Variants in FILIP1 observed in about 807,000 individuals in gnomAD.
FILIP1 encodes the protein filamin A interacting protein 1, also known as filamin-A-interacting protein 1.
In FILIP1, 61 loss-of-function variants were observed where a neutral mutation model predicts 102.1. The observed-to-expected ratio is 0.60, with a 90% CI of 0.49 to 0.74. FILIP1 has a LOEUF of 0.74. Ranked by LOEUF, FILIP1 falls within the 30% of genes least tolerant of loss-of-function variation. The probability of loss-of-function intolerance (pLI) is 0.00; values close to 1 mark genes in which losing one functional copy is unlikely to be tolerated. For synonymous variants in FILIP1, 491 were observed against 526.9 expected (o/e 0.93, Z 0.93); for missense variants, 1,314 against 1,441.2 (o/e 0.91, Z 1.43).
chr6:75,362,920 G>A lies in FILIP1; in HGVS notation c.277-3C>T, dbSNP rs377118129. ...ATGTGGATCACATCTTCTCTGGCCT[G>A]TAATAGAAAGTGCAGCAAGATCAGA... On this transcript the variant is annotated splice_region_variant and splice_polypyrimidine_tract_variant and intron_variant, in intron 2 of 5. Coordinates refer to ENST00000237172, the MANE Select transcript of FILIP1 (RefSeq NM_015687.5). The A allele has an allele frequency of 5.6e-6, 9 of 1,612,472 alleles. No homozygotes were observed. Among genetic ancestry groups the A allele is most frequent in the African/African-American group, 1.3e-5 (1 of 74,852 alleles).
intron 4 of FILIP1, among the ~76,000 whole-genome samples, chr6:75,350,865 T>C (rs558624410): frequency 2.4e-4 from 37 of 152,342 alleles, no homozygotes; most frequent in Non-Finnish European, 5.3e-4. Flanking sequence ...CAGGTGCTCT[T>C]AGAATTATTT....
intron 2 of FILIP1, among the ~76,000 whole-genome samples, chr6:75,378,006 G>C (rs576249216): frequency 6.6e-6 from 1 of 152,330 alleles, no homozygotes; most frequent in South Asian, 2.1e-4. Flanking sequence ...AGTGAATACT[G>C]AATCATTGCT....
At chr6:75,434,295 A>C (rs1464587101) in intron 1 of FILIP1, among the ~76,000 whole-genome samples, 1 of 152,186 alleles carries the variant, frequency 6.6e-6, no homozygotes, top group Non-Finnish European at 1.5e-5. Context: ...GGCCATTTTC[A>C]AAATATTGAT....
chr6:75,301,461 G>T lies in FILIP1; in HGVS notation c.3494-5511C>A, dbSNP rs544858273. On this transcript the variant is annotated intron_variant, in intron 6 of 6. Coordinates refer to the FILIP1 transcript ENST00000393004. ...ACGCCTCAGGGATTTTTTTTAAAGG[G>T]TTTGTTGCTGTTTGTCTTCTTTAGT... 9.2e-5 allele frequency among the ~76,000 whole-genome samples: 14 copies of T among 152,120 alleles called. No individual in the cohort carries two copies. In the South Asian group the frequency reaches 2.7e-3, roughly 29 times the overall value.
In FILIP1 at chr6:75,322,992, C is replaced by T. The variant is rs546100875; in HGVS notation, c.630-7790G>A. 5.9e-5 allele frequency among the ~76,000 whole-genome samples: 9 copies of T among 152,304 alleles called. No homozygotes were observed. The East Asian group carries it at 1.7e-3, about 29-fold the overall frequency. ...TACAAGCATGAGCCACTATGGCCAGCCAAAATTATACTTTTTAACTTGCAA... is the reference window on the plus strand; with the variant it reads ...TACAAGCATGAGCCACTATGGCCAGTCAAAATTATACTTTTTAACTTGCAA... On this transcript the variant is annotated intron_variant, in intron 4 of 5. Coordinates refer to ENST00000237172, the MANE Select transcript of FILIP1 (RefSeq NM_015687.5).
chr6:75,448,512 T>C (rs1778513453), intron 1 of FILIP1, among the ~76,000 whole-genome samples: 1 of 152,074 alleles, frequency 6.6e-6, no homozygotes, highest in African/African-American at 2.4e-5. Flanking sequence ...GGGACTTAAT[T>C]GAACTAAAAA....
rs117195884 is a variant in FILIP1 at position 75,449,988 on chromosome 6, C to T, written c.-6-35010G>A. Among the ~76,000 whole-genome samples the T allele has an allele frequency of 8.8e-3, 1,338 of 152,168 alleles. 48 individuals are homozygous for T. The East Asian group carries it at 0.12, about 14-fold the overall frequency. On this transcript the variant is annotated intron_variant, in intron 1 of 5. Transcript: ENST00000237172. ...TCACTCTGTCACCCAGACTGGAGTGCGGTGGTGCAATCATGGCTTACTGTA... is the reference window on the plus strand; with the variant it reads ...TCACTCTGTCACCCAGACTGGAGTGTGGTGGTGCAATCATGGCTTACTGTA...
downstream of FILIP1, among the ~76,000 whole-genome samples, chr6:75,306,489 G>T (rs12195673): frequency 0.11 from 16,221 of 152,200 alleles, 1,277 homozygotes; most frequent in Non-Finnish European, 0.14. Context: ...ATACGTTATG[G>T]TACAGTAACA....
In FILIP1 at chr6:75,314,847, T is replaced by C. The variant is rs774985091; in HGVS notation, c.985A>G (p.Arg329Gly). 1.9e-6 allele frequency: 3 copies of C among 1,614,106 alleles called. No individual in the cohort carries two copies. The Middle Eastern group carries it at 4.9e-4, about 266-fold the overall frequency. The change falls in exon 5 of 6, where the codon AGG becomes GGG. Residue 329 changes from arginine (R) to glycine (G), a missense_variant. Transcript: ENST00000237172. Reference protein sequence around the residue: ...AKLANQESHNRQLRLKLVGLT... With the variant: ...AKLANQESHNGQLRLKLVGLT... The stretch of plus-strand genomic sequence containing the variant: ...CCAACCAGCTTGAGTCTAAGTTGCC[T>C]ATTGTGAGACTCTTGATTAGCCAGT...
chr6:75,454,671 T>A (rs964651761), intron 1 of FILIP1, among the ~76,000 whole-genome samples: 1 of 152,218 alleles, frequency 6.6e-6, no homozygotes, highest in African/African-American at 2.4e-5. Context: ...TTTCTTATGA[T>A]GAGAAATATT....
intron 1 of FILIP1, among the ~76,000 whole-genome samples, chr6:75,479,696 C>T (rs969948089): frequency 6.6e-6 from 1 of 151,238 alleles, no homozygotes; most frequent in Non-Finnish European, 1.5e-5. Context: ...TGGTGAAACC[C>T]AATCTCTACT....
At chr6:75,468,083 C>T (rs1219250663) in intron 1 of FILIP1, among the ~76,000 whole-genome samples, 1 of 152,192 alleles carries the variant, frequency 6.6e-6, no homozygotes, top group Non-Finnish European at 1.5e-5. Context: ...AATAAGACAG[C>T]CCCTCCCCTA....
intron 2 of FILIP1, among the ~76,000 whole-genome samples, chr6:75,390,382 G>C (rs1485966012): frequency 1.3e-5 from 2 of 152,144 alleles, no homozygotes; most frequent in Non-Finnish European, 2.9e-5. Context: ...TTAAGGTAAA[G>C]AAATATCTGA....
chr6:75,437,215 C>T (rs888196243), intron 1 of FILIP1, among the ~76,000 whole-genome samples: 4 of 152,192 alleles, frequency 2.6e-5, no homozygotes, highest in African/African-American at 7.2e-5. Context: ...TGGTTCAAAG[C>T]AGACAGAATA....
downstream of FILIP1, among the ~76,000 whole-genome samples, chr6:75,306,002 A>G (rs574902897): frequency 1.3e-5 from 2 of 152,360 alleles, no homozygotes; most frequent in Admixed American, 1.3e-4. Flanking sequence ...GTTGCATCTT[A>G]AAAGTACTGT....
chr6:75,372,686 A>AAAGAAAGG (rs1395213013), intron 2 of FILIP1, among the ~76,000 whole-genome samples: 1 of 27,232 alleles, frequency 3.7e-5, no homozygotes, highest in South Asian at 1.2e-3. Flanking sequence ...AGAAAGAAAG[A>AAAGAAAGG]GAAAGAAAGA....
chr6:75,308,576 A>G lies in FILIP1; in HGVS notation c.*115T>C. ...AATGGTTATTAGTTGGTTATTTTATAAACACAATATTTAAAACTTAAATTA... is the reference window on the plus strand; with the variant it reads ...AATGGTTATTAGTTGGTTATTTTATGAACACAATATTTAAAACTTAAATTA... On this transcript the variant is annotated 3_prime_UTR_variant, in exon 6 of 6. Coordinates refer to ENST00000237172, the MANE Select transcript of FILIP1 (RefSeq NM_015687.5). 1 of 1,514,912 alleles carries G rather than the reference A, an allele frequency of 6.6e-7. No individual in the cohort carries two copies. The highest frequency in any genetic ancestry group is 8.8e-7 in the Non-Finnish European group (1 of 1,137,388). 93.8% of individuals were successfully genotyped at this position (1,514,912 alleles called of 1,614,324 possible). A position where few individuals can be genotyped will look rare whatever the true frequency, so the allele number is the denominator to read the frequency against.
chr6:75,364,562 T>A (rs371839045), intron 2 of FILIP1, among the ~76,000 whole-genome samples: 1 of 152,176 alleles, frequency 6.6e-6, no homozygotes, highest in East Asian at 1.9e-4. Flanking sequence ...GGTGAATATA[T>A]AAAGCATATT....
chr6:75,481,528 T>C (rs139746633), intron 1 of FILIP1, among the ~76,000 whole-genome samples: 140 of 152,260 alleles, frequency 9.2e-4, no homozygotes, highest in African/African-American at 3.3e-3. Context: ...CAAGCTTGCC[T>C]AAATGTGGAC....
Sources: allele counts gnomAD v4.1 joint callset (sites outside exome capture counted in the v4.1 genomes callset), GRCh38; gene constraint gnomAD v4.1.1; transcripts MANE v1.5; gene names NCBI Gene and HGNC (gene_info 2026-07-23, HGNC 2026-07-21).